The following KCNK10 variants were observed in gnomAD, a reference collection of about 807,000 sequenced individuals.
KCNK10 encodes the protein potassium two pore domain channel subfamily K member 10.
KCNK10 carries 25 observed loss-of-function variants against 47.7 expected under a neutral mutation model. The ratio of observed to expected loss-of-function variants is 0.52; its 90% CI spans 0.38 to 0.73. KCNK10 has a LOEUF of 0.73. Ranked by LOEUF, KCNK10 falls within the 30% of genes least tolerant of loss-of-function variation. The pLI, the probability that KCNK10 is intolerant of heterozygous loss-of-function variation, is 0.00. For synonymous variants in KCNK10, 303 were observed against 285.6 expected, an observed-to-expected ratio of 1.06 and a Z score of -0.61; for missense variants, 563 against 714.5, an observed-to-expected ratio of 0.79 and a Z score of 2.42.
At chr14:88,263,577 G>C (rs1432483565) in intron 1 of KCNK10, 26 bp from the exon 2 acceptor site, 1 of 1,576,970 alleles carries the variant, frequency 6.3e-7, no homozygotes, top group Admixed American at 1.7e-5. Context: ...GGGGGACAAA[G>C]AAGAAGAGAG....
intron 5 of KCNK10, among the ~76,000 whole-genome samples, chr14:88,188,875 A>G (rs556879673): frequency 1.3e-5 from 2 of 152,286 alleles, no homozygotes; most frequent in East Asian, 3.9e-4. Flanking sequence ...TAATTAGCCT[A>G]TTTATTCTAA....
chr14:88,256,460 T>G (rs893108604), intron 2 of KCNK10, among the ~76,000 whole-genome samples: 1 of 151,988 alleles, frequency 6.6e-6, no homozygotes, highest in Non-Finnish European at 1.5e-5. Flanking sequence ...GTCTACTTAA[T>G]AAATGTGAGA....
chr14:88,223,992 C>A (rs904803045), intron 4 of KCNK10, among the ~76,000 whole-genome samples: 1 of 150,580 alleles, frequency 6.6e-6, no homozygotes, highest in Non-Finnish European at 1.5e-5. Context: ...ACTAGCCTTG[C>A]CAACACAGTG....
At chr14:88,217,847 C>T (rs1002299667) in intron 4 of KCNK10, among the ~76,000 whole-genome samples, 20 of 152,038 alleles carry the variant, frequency 1.3e-4, no homozygotes, top group Admixed American at 6.6e-5. Context: ...CTCAGCCTCC[C>T]GAGTAGCTAG....
chr14:88,205,547 T>TC (rs1270471744), intron 4 of KCNK10, among the ~76,000 whole-genome samples: 15 of 141,674 alleles, frequency 1.1e-4, no homozygotes, highest in Non-Finnish European at 2.2e-4. Context: ...CTTTTCTTTT[T>TC]TTTTTTTTTT....
intron 1 of KCNK10, among the ~76,000 whole-genome samples, chr14:88,273,058 C>G (rs2139764665): frequency 6.6e-6 from 1 of 152,248 alleles, no homozygotes; most frequent in East Asian, 1.9e-4. Flanking sequence ...GGGGAATAAT[C>G]TAGCTGAATC....
chr14:88,208,372 G>C (rs944187715), intron 4 of KCNK10, among the ~76,000 whole-genome samples: 6 of 152,156 alleles, frequency 3.9e-5, no homozygotes, highest in African/African-American at 1.4e-4. Flanking sequence ...CATCTGTACA[G>C]GTCCTCTTCT....
chr14:88,321,437 A>G (rs1157981232), intron 1 of KCNK10, among the ~76,000 whole-genome samples: 1 of 152,148 alleles, frequency 6.6e-6, no homozygotes, highest in Non-Finnish European at 1.5e-5. Context: ...TGTAAACTCC[A>G]AGTCAGAGCT....
At chr14:88,240,390 A>C (rs1886418569) in intron 3 of KCNK10, among the ~76,000 whole-genome samples, 1 of 152,212 alleles carries the variant, frequency 6.6e-6, no homozygotes, top group Non-Finnish European at 1.5e-5. Flanking sequence ...ATATAACTTT[A>C]ATAAGAAGTA....
chr14:88,314,519 C>G (rs185686045), intron 1 of KCNK10, among the ~76,000 whole-genome samples: 7 of 152,350 alleles, frequency 4.6e-5, no homozygotes, highest in East Asian at 1.9e-4. Flanking sequence ...AACTCAGACT[C>G]AAATATTGTG....
At chr14:88,321,938 G>A (rs989404451) in intron 1 of KCNK10, among the ~76,000 whole-genome samples, 20 of 152,274 alleles carry the variant, frequency 1.3e-4, no homozygotes, top group Admixed American at 5.2e-4. Context: ...CACTCCCTTG[G>A]AGCCTTAACA....
chr14:88,258,568 C>T (rs115077244), intron 2 of KCNK10, among the ~76,000 whole-genome samples: 2,134 of 152,272 alleles, frequency 0.014, 29 homozygotes, highest in East Asian at 0.043. Context: ...GGATTACAGG[C>T]GTGAGCCACC....
chr14:88,203,125 T>C (rs1885155965), intron 4 of KCNK10, among the ~76,000 whole-genome samples: 1 of 152,134 alleles, frequency 6.6e-6, no homozygotes, highest in African/African-American at 2.4e-5. Flanking sequence ...GGTACCAATG[T>C]TGGTATGCCC....
chr14:88,224,908 C>A (rs1885935611), intron 4 of KCNK10, among the ~76,000 whole-genome samples: 2 of 152,234 alleles, frequency 1.3e-5, no homozygotes, highest in Admixed American at 1.3e-4. Flanking sequence ...CCATGCCCGG[C>A]AGAAAGCCAA....
intron 2 of KCNK10, among the ~76,000 whole-genome samples, chr14:88,242,632 A>G (rs1474926728): frequency 6.6e-6 from 1 of 152,226 alleles, no homozygotes; most frequent in Non-Finnish European, 1.5e-5. Flanking sequence ...GGATGTGTAC[A>G]GACTGTCTTT....
At chr14:88,232,571 T>C (rs1208355250) in intron 3 of KCNK10, among the ~76,000 whole-genome samples, 2 of 152,230 alleles carry the variant, frequency 1.3e-5, no homozygotes, top group Non-Finnish European at 2.9e-5. Context: ...TATGACTCTA[T>C]AAAGATCCTC....
At chr14:88,191,265 AAAAACAAAAAC>A (rs1478548206) in intron 5 of KCNK10, among the ~76,000 whole-genome samples, 1 of 142,322 alleles carries the variant, frequency 7.0e-6, no homozygotes, top group Non-Finnish European at 1.6e-5. Flanking sequence ...AAACAAAAAC[AAAAACAAAAAC>A]AAAAAAAAAC....
chr14:88,326,378 G>A (rs761070398), upstream of KCNK10: 1 of 1,584,036 alleles, frequency 6.3e-7, no homozygotes, highest in Non-Finnish European at 8.7e-7. Flanking sequence ...CATCCCCTTC[G>A]GTTCTACCCT....
chr14:88,197,859 GGAGAGAGAGAGA>G (rs71126969), intron 4 of KCNK10, among the ~76,000 whole-genome samples: 218 of 125,420 alleles, frequency 1.7e-3, no homozygotes, highest in African/African-American at 6.4e-3. Flanking sequence ...AGGAGGGAAG[GGAGAGAGAGAGA>G]GAGAGAGAGA....
Sources: allele counts gnomAD v4.1 joint callset (sites outside exome capture counted in the v4.1 genomes callset), GRCh38; gene constraint gnomAD v4.1.1; transcripts MANE v1.5; gene names NCBI Gene and HGNC (gene_info 2026-07-23, HGNC 2026-07-21).